Variants in POP7 observed in about 807,000 individuals in gnomAD.
POP7 encodes POP7 ribonuclease P/MRP subunit.
In POP7, 5 loss-of-function variants were observed where a neutral mutation model predicts 7.5. That is an observed-to-expected ratio of 0.66 (90% CI 0.35 to 1.40). POP7 has a LOEUF of 1.40. Among genes scored for constraint, POP7 ranks in the 40% most tolerant of loss-of-function variants. POP7 has a pLI of 0.04. For synonymous variants in POP7, 85 were observed against 81.6 expected (o/e 1.04, Z -0.23); for missense variants, 170 against 189.1 (o/e 0.90, Z 0.59).
At position 100,707,118 on chromosome 7, in the gene POP7, G is replaced by C. The variant is rs758785590; in HGVS notation, c.288G>C (p.Leu96Phe). Residue 96 changes from leucine to phenylalanine, a missense_variant, in exon 2 of 2, where the codon TTG becomes TTC. Leu to Phe is a conservative substitution (Grantham distance 22, BLOSUM62 0). Transcript: ENST00000303151. ...LQLQAGSFGSLQVAANTSTVE... is the reference protein window; with the variant it reads ...LQLQAGSFGSFQVAANTSTVE... ...TGCAGGCGGGCAGCTTCGGGTCCTT[G>C]CAGGTGGCTGCCAATACCTCCACCG... 6.4e-5 allele frequency: 104 copies of C among 1,614,000 alleles called. No individual in the cohort carries two copies. The East Asian group carries it at 2.3e-3, about 36-fold the overall frequency.
In POP7 at chr7:100,707,388, G is replaced by T; in HGVS notation, c.*135G>T. 1.9e-6 allele frequency: 2 copies of T among 1,080,612 alleles called. No homozygotes were observed. Among genetic ancestry groups the T allele is most frequent in the Admixed American group, 2.8e-5 (1 of 35,284 alleles). The allele number at this position is 1,080,612 out of a possible 1,614,324, so 66.9% of individuals were successfully genotyped here. On this transcript the variant is annotated 3_prime_UTR_variant, in exon 2 of 2. Coordinates refer to ENST00000303151, the MANE Select transcript of POP7 (RefSeq NM_005837.3). ...AAAGGACTCTGCATTGAGGGTGGGG[G>T]TAATTGTCTCTTGGTGGGCCCAGTT...
At position 100,707,429 on chromosome 7, in the gene POP7, G is replaced by A. The variant is rs1806540695; in HGVS notation, c.*176G>A. The A allele has an allele frequency of 8.7e-6, 6 of 690,566 alleles. No individual in the cohort carries two copies. Among genetic ancestry groups the A allele is most frequent in the Non-Finnish European group, 1.5e-5 (6 of 405,982 alleles). The allele number at this position is 690,566 out of a possible 1,614,324, so 42.8% of individuals were successfully genotyped here. A position where few individuals can be genotyped will look rare whatever the true frequency, so the allele number is the denominator to read the frequency against. On this transcript the variant is annotated 3_prime_UTR_variant, in exon 2 of 2. Coordinates refer to ENST00000303151, the MANE Select transcript of POP7 (RefSeq NM_005837.3). ...GGGCCCAGTTAGTGGGCCTTCCTGA[G>A]TGTGTGTATGCGGTCTGTAACTATT...
rs777787534 is a variant in POP7 at position 100,707,235 on chromosome 7, C to T, written c.405C>T (p.Phe135=). The T allele has an allele frequency of 2.5e-6, 4 of 1,613,676 alleles. No homozygotes were observed. The South Asian group carries it at 4.4e-5, about 18-fold the overall frequency. ...RNNSAIHIRV[F]RVTPK is the part of the protein sequence containing the mutation. ...ACTCAGCCATCCACATCCGAGTCTT[C>T]AGGGTCACACCCAAGTAATTGAAAA... is the stretch of plus-strand genomic sequence containing the variant. The change falls in exon 2 of 2, where the codon TTC becomes TTT. Residue 135 remains phenylalanine, a synonymous_variant. Transcript: ENST00000303151.
rs377354320 is a variant in POP7 at position 100,707,068 on chromosome 7, C to T, written c.238C>T (p.Arg80Cys). 3.1e-6 allele frequency: 5 copies of T among 1,614,096 alleles called. No homozygotes were observed. The highest frequency in any genetic ancestry group is 1.7e-6 in the Non-Finnish European group (2 of 1,180,046). ...TCACGGCTTGGGCCTGGCCATCAACCGCGCCATCAACATCGCGCTGCAGCT... is the reference window on the plus strand; with the variant it reads ...TCACGGCTTGGGCCTGGCCATCAACTGCGCCATCAACATCGCGCTGCAGCT... ...YIHGLGLAIN[R>C]AINIALQLQA... The change falls in exon 2 of 2, where the codon CGC (arginine) becomes TGC (cysteine). Residue 80 changes from arginine to cysteine, a missense_variant. By Grantham distance (180) the Arg-to-Cys change is radical (BLOSUM62 -3). Transcript: ENST00000303151.
rs140699638 is a variant in POP7 at position 100,707,136 on chromosome 7, C to T, written c.306C>T (p.Thr102=). ...SFGSLQVAAN[T]STVELVDELE... Reference sequence around the variant, plus strand: ...GGTCCTTGCAGGTGGCTGCCAATACCTCCACCGTGGAGCTTGTTGATGAGC... The same window carrying T: ...GGTCCTTGCAGGTGGCTGCCAATACTTCCACCGTGGAGCTTGTTGATGAGC... Residue 102 remains threonine (T), a synonymous_variant, in exon 2 of 2, where the codon ACC becomes ACT. Transcript: ENST00000303151. The T allele has an allele frequency of 1.2e-6, 2 of 1,614,210 alleles. No homozygotes were observed. The highest frequency in any genetic ancestry group is 4.5e-5 in the East Asian group (2 of 44,884).
chr7:100,706,968 G>A lies in POP7; in HGVS notation c.138G>A (p.Lys46=), dbSNP rs1367783513. The change falls in exon 2 of 2, where the codon AAG becomes AAA. Residue 46 remains lysine, a synonymous_variant. Transcript: ENST00000303151. ...DIYVNMKTDF[K]AQLARCQKLL... ...ATGTCAACATGAAGACGGACTTTAA[G>A]GCCCAGCTGGCCCGCTGCCAGAAGC... The A allele has an allele frequency of 6.2e-7, 1 of 1,614,122 alleles. No homozygotes were observed. Among genetic ancestry groups the A allele is most frequent in the South Asian group, 1.1e-5 (1 of 91,090 alleles).
chr7:100,707,066 A>G lies in POP7; in HGVS notation c.236A>G (p.Asn79Ser). ...IYIHGLGLAI[N>S]RAINIALQLQ... Reference sequence around the variant, plus strand: ...ATTCACGGCTTGGGCCTGGCCATCAACCGCGCCATCAACATCGCGCTGCAG... The same window carrying G: ...ATTCACGGCTTGGGCCTGGCCATCAGCCGCGCCATCAACATCGCGCTGCAG... The change falls in exon 2 of 2, where the codon AAC (asparagine) becomes AGC (serine). Residue 79 changes from asparagine to serine, a missense_variant. Transcript: ENST00000303151. The G allele has an allele frequency of 6.2e-7, 1 of 1,614,062 alleles. No homozygotes were observed.
chr7:100,706,585 T>TC (rs1484695715), intron 1 of POP7, among the ~76,000 whole-genome samples: 2 of 151,670 alleles, frequency 1.3e-5, no homozygotes, highest in African/African-American at 2.4e-5. Context: ...CAAGCGATCC[T>TC]CCCCCCTCGG....
rs1272503568 is a variant in POP7, at chr7:100,707,284, C to T, written c.*31C>T. ...AAGACACTCCTCCACTTATCCCCTC[C>T]GTGATATGGCTCTTCGCATGCTGAG... On this transcript the variant is annotated 3_prime_UTR_variant, in exon 2 of 2. Coordinates refer to ENST00000303151, the MANE Select transcript of POP7 (RefSeq NM_005837.3). 27 of 1,594,032 alleles carry T rather than the reference C, an allele frequency of 1.7e-5. No individual in the cohort carries two copies. Among genetic ancestry groups the T allele is most frequent in the Non-Finnish European group, 2.0e-5 (23 of 1,167,328 alleles).
Position 100,707,001 on chromosome 7 carries a change from C to G in POP7, c.171C>G (p.Asp57Glu), listed in dbSNP as rs768828019. The stretch of plus-strand genomic sequence containing the variant: ...TGGCCCGCTGCCAGAAGCTGCTGGA[C>G]GGAGGGGCCCGGGGTCAGAACGCGT... ...AQLARCQKLLDGGARGQNACS... is the reference protein window; with the variant it reads ...AQLARCQKLLEGGARGQNACS... The change falls in exon 2 of 2, where the codon GAC becomes GAG. Residue 57 changes from aspartate (D) to glutamate (E), a missense_variant. Transcript: ENST00000303151. 6.2e-7 allele frequency: 1 copy of G among 1,614,002 alleles called. No individual in the cohort carries two copies. The highest frequency in any genetic ancestry group is 8.5e-7 in the Non-Finnish European group (1 of 1,180,056).
chr7:100,707,264 A>T lies in POP7; in HGVS notation c.*11A>T. 1 of 1,607,116 alleles carries T rather than the reference A, an allele frequency of 6.2e-7. No individual in the cohort carries two copies. The highest frequency in any genetic ancestry group is 1.1e-5 in the South Asian group (1 of 90,820). On this transcript the variant is annotated 3_prime_UTR_variant, in exon 2 of 2. Coordinates refer to ENST00000303151, the MANE Select transcript of POP7 (RefSeq NM_005837.3). ...GTCACACCCAAGTAATTGAAAAGAC[A>T]CTCCTCCACTTATCCCCTCCGTGAT...
rs921108423 is a variant in POP7 at position 100,706,123 on chromosome 7, T to G, written c.-192T>G. 2.6e-5 allele frequency: 4 copies of G among 152,386 alleles called. No individual in the cohort carries two copies. The highest frequency in any genetic ancestry group is 1.3e-4 in the Admixed American group (2 of 15,298). 9.4% of individuals were successfully genotyped at this position (152,386 alleles called of 1,614,324 possible). On this transcript the variant is annotated 5_prime_UTR_variant, in exon 1 of 2. Coordinates refer to ENST00000303151, the MANE Select transcript of POP7 (RefSeq NM_005837.3). Reference sequence around the variant, plus strand: ...GCGGGGTACGGGCGCGCGTGCGCACTCCGCAGCCCGTTCAGGACCCCGGCG... The same window carrying G: ...GCGGGGTACGGGCGCGCGTGCGCACGCCGCAGCCCGTTCAGGACCCCGGCG...
intron 1 of POP7, chr7:100,706,521 A>G (rs1356262921): frequency 1.8e-5 from 7 of 388,246 alleles, no homozygotes; most frequent in Non-Finnish European, 3.3e-5. Flanking sequence ...TTCCCAAGCT[A>G]GAGTGCAGTG....
intron 1 of POP7, 91 bp from the exon 2 acceptor site, chr7:100,706,730 C>T (rs898738403): frequency 1.2e-5 from 16 of 1,343,550 alleles, no homozygotes; most frequent in Non-Finnish European, 1.0e-6. Flanking sequence ...GAGCCACTGC[C>T]CGGCCAGGTG....
At position 100,707,148 on chromosome 7, in the gene POP7, G is replaced by A; in HGVS notation, c.318G>A (p.Glu106=). Residue 106 remains glutamate (E), a synonymous_variant, in exon 2 of 2, where the codon GAG becomes GAA. Transcript: ENST00000303151. ...TGGCTGCCAATACCTCCACCGTGGAGCTTGTTGATGAGCTGGAGCCAGAGA... is the reference window on the plus strand; with the variant it reads ...TGGCTGCCAATACCTCCACCGTGGAACTTGTTGATGAGCTGGAGCCAGAGA... ...LQVAANTSTV[E]LVDELEPETD... is the part of the protein sequence containing the mutation. 2 of 1,614,224 alleles carry A rather than the reference G, an allele frequency of 1.2e-6. No homozygotes were observed. Among genetic ancestry groups the A allele is most frequent in the Non-Finnish European group, 1.7e-6 (2 of 1,180,048 alleles).
rs1806512375 is a variant in POP7 at position 100,706,213 on chromosome 7, G to A, written c.-102G>A. The A allele has an allele frequency of 6.5e-6, 1 of 153,156 alleles. No homozygotes were observed. Among genetic ancestry groups the A allele is most frequent in the Non-Finnish European group, 1.5e-5 (1 of 68,710 alleles). The allele number at this position is 153,156 out of a possible 1,614,324, so 9.5% of individuals were successfully genotyped here. A position where few individuals can be genotyped will look rare whatever the true frequency, so the allele number is the denominator to read the frequency against. ...ACATCCTTCTTTCTCTGGGACCTGG[G>A]GTCGCGGTTACTTGGGCTGGCCGGC... On this transcript the variant is annotated 5_prime_UTR_variant, in exon 1 of 2. Coordinates refer to ENST00000303151, the MANE Select transcript of POP7 (RefSeq NM_005837.3).
Position 100,707,376 on chromosome 7 carries a change from T to C in POP7, c.*123T>C, listed in dbSNP as rs929413244. On this transcript the variant is annotated 3_prime_UTR_variant, in exon 2 of 2. Coordinates refer to ENST00000303151, the MANE Select transcript of POP7 (RefSeq NM_005837.3). The stretch of plus-strand genomic sequence containing the variant: ...CCCTGGAAGCCCAAAGGACTCTGCA[T>C]TGAGGGTGGGGGTAATTGTCTCTTG... The C allele has an allele frequency of 1.7e-6, 2 of 1,186,366 alleles. No homozygotes were observed. The highest frequency in any genetic ancestry group is 2.7e-5 in the Admixed American group (1 of 37,040). The allele number at this position is 1,186,366 out of a possible 1,614,324, so 73.5% of individuals were successfully genotyped here. A position where few individuals can be genotyped will look rare whatever the true frequency, so the allele number is the denominator to read the frequency against.
Position 100,706,785 on chromosome 7 carries a change from T to C in POP7, c.-10-36T>C, listed in dbSNP as rs547567238. On this transcript the variant is annotated intron_variant, in intron 1 of 1. Transcript: ENST00000303151. ...GGGGTAGGAAAGGCTTCGAGGTCCC[T>C]CTGAGCCCTCTGATCGCGTCCCTTT... 4.4e-6 allele frequency: 7 copies of C among 1,591,378 alleles called. 1 individual carries two copies. In the South Asian group the frequency reaches 6.7e-5, roughly 15 times the overall value.
rs767866399 is a variant in POP7 at position 100,707,299 on chromosome 7, C to T, written c.*46C>T. The T allele has an allele frequency of 5.1e-6, 8 of 1,571,750 alleles. No homozygotes were observed. In the East Asian group the frequency reaches 6.9e-5, roughly 14 times the overall value. ...TTATCCCCTCCGTGATATGGCTCTT[C>T]GCATGCTGAGTACTGGACCTCGGAC... On this transcript the variant is annotated 3_prime_UTR_variant, in exon 2 of 2. Transcript: ENST00000303151.
Sources: allele counts gnomAD v4.1 joint callset (sites outside exome capture counted in the v4.1 genomes callset), GRCh38; gene constraint gnomAD v4.1.1; transcripts MANE v1.5; gene names NCBI Gene and HGNC (gene_info 2026-07-23, HGNC 2026-07-21).